The following TIAM2 variants were observed in gnomAD, a reference collection of about 807,000 sequenced individuals.
TIAM2 encodes TIAM Rac1 associated GEF 2.
A neutral mutation model predicts 152.9 loss-of-function variants in TIAM2; 80 were observed. The ratio of observed to expected loss-of-function variants is 0.52; its 90% CI spans 0.44 to 0.63. The LOEUF (loss-of-function observed/expected upper bound fraction) is 0.63, where lower values mean the gene tolerates loss of function less well. Ranked by LOEUF, TIAM2 falls within the 30% of genes least tolerant of loss-of-function variation. TIAM2 has a pLI of 0.00. For synonymous variants in TIAM2, 804 were observed against 838.0 expected (o/e 0.96, Z 0.70); for missense variants, 1,965 against 2,120.1 (o/e 0.93, Z 1.44).
intron 15 of TIAM2, 101 bp downstream of exon 15, chr6:155,211,408 A>T: frequency 1.2e-6 from 1 of 823,480 alleles, no homozygotes; most frequent in Non-Finnish European, 2.0e-6. Flanking sequence ...ACCTATCTCT[A>T]GGTCCAGCAG....
chr6:155,140,432 A>G (rs1343299073), intron 5 of TIAM2, among the ~76,000 whole-genome samples: 1 of 152,074 alleles, frequency 6.6e-6, no homozygotes, highest in Non-Finnish European at 1.5e-5. Context: ...TTAAGTGTGA[A>G]ATTTGTTTCT....
intron 1 of TIAM2, among the ~76,000 whole-genome samples, chr6:155,083,031 A>G (rs1778101163): frequency 6.6e-6 from 1 of 152,012 alleles, no homozygotes; most frequent in South Asian, 2.1e-4. Flanking sequence ...GGTTCTGAGT[A>G]TTGATTGACA....
chr6:155,012,242 T>G (rs1162776941), intron 1 of TIAM2, among the ~76,000 whole-genome samples: 1 of 152,170 alleles, frequency 6.6e-6, no homozygotes, highest in Non-Finnish European at 1.5e-5. Context: ...CATTTTGTAC[T>G]GTACGGCCCA....
intron 1 of TIAM2, among the ~76,000 whole-genome samples, chr6:155,058,694 A>G (rs1229916568): frequency 3.9e-5 from 6 of 152,192 alleles, no homozygotes; most frequent in Non-Finnish European, 8.8e-5. Flanking sequence ...ACCTGTGATC[A>G]CTAAGTCTTG....
At chr6:155,183,180 A>G (rs907105038) in intron 13 of TIAM2, 57 bp from the exon 14 acceptor site, 3 of 1,570,244 alleles carry the variant, frequency 1.9e-6, no homozygotes, top group Non-Finnish European at 1.7e-6. Context: ...TTCATCTGAA[A>G]ATATTTCTCA....
chr6:155,147,461 C>A (rs1190348246), intron 6 of TIAM2, among the ~76,000 whole-genome samples: 1 of 152,040 alleles, frequency 6.6e-6, no homozygotes, highest in Non-Finnish European at 1.5e-5. Flanking sequence ...CATGCACCAC[C>A]ACACCCGGCT....
intron 1 of TIAM2, among the ~76,000 whole-genome samples, chr6:155,008,670 A>C (rs900789138): frequency 4.6e-5 from 7 of 152,290 alleles, no homozygotes; most frequent in African/African-American, 1.7e-4. Flanking sequence ...GCTGGAAGTA[A>C]ATTTCTCAGC....
chr6:155,172,678 ATATATATATTTTTTTTTTT>A (rs1403403030), intron 9 of TIAM2, among the ~76,000 whole-genome samples: 35 of 13,918 alleles, frequency 2.5e-3, no homozygotes, highest in African/African-American at 7.8e-3. Context: ...ATATATATAT[ATATATATATTTTTTTTTTT>A]TTTTTTTTTT....
chr6:155,091,173 G>A (rs1036556653), intron 2 of TIAM2, among the ~76,000 whole-genome samples: 26 of 152,124 alleles, frequency 1.7e-4, no homozygotes, highest in African/African-American at 4.8e-5. Context: ...TCTGAAGGAC[G>A]CTGACCACCC....
intron 14 of TIAM2, among the ~76,000 whole-genome samples, chr6:155,187,573 C>CCCTTTTTTTTT (rs1189509294): frequency 1.2e-4 from 6 of 49,614 alleles, no homozygotes; most frequent in African/African-American, 3.9e-4. Flanking sequence ...ACCCCGCCCC[C>CCCTTTTTTTTT]TTTTTTTTTT....
intron 15 of TIAM2, among the ~76,000 whole-genome samples, chr6:155,235,152 G>A (rs1394075757): frequency 6.6e-6 from 1 of 152,258 alleles, no homozygotes; most frequent in Non-Finnish European, 1.5e-5. Context: ...GAGAGTCATG[G>A]TAAAGCTGCA....
intron 1 of TIAM2, among the ~76,000 whole-genome samples, chr6:155,056,969 T>C (rs974941720): frequency 6.8e-6 from 1 of 148,058 alleles, no homozygotes; most frequent in Non-Finnish European, 1.5e-5. Context: ...GTGACAGTTT[T>C]GAGGAGTATT....
rs575426081 is a variant in TIAM2, at chr6:155,057,844, C to T, written c.-208-32445C>T. Among the ~76,000 whole-genome samples, 4 of 152,190 alleles carry T rather than the reference C, an allele frequency of 2.6e-5. No individual in the cohort carries two copies. The East Asian group carries it at 5.8e-4, about 22-fold the overall frequency. On this transcript the variant is annotated intron_variant, in intron 1 of 26. Transcript: ENST00000682666. ...TACAGGCATGAGCCACCGCGCCTGG[C>T]CCCATAATGTACTCTTTGGAAGAAA...
chr6:155,093,566 G>A (rs1053337417), intron 2 of TIAM2, among the ~76,000 whole-genome samples: 3 of 152,222 alleles, frequency 2.0e-5, no homozygotes, highest in Non-Finnish European at 4.4e-5. Flanking sequence ...GGACCGGCAG[G>A]TATCAGTAGT....
At chr6:155,169,600 A>G (rs1220313225) in intron 9 of TIAM2, among the ~76,000 whole-genome samples, 1 of 152,160 alleles carries the variant, frequency 6.6e-6, no homozygotes. Context: ...CTTCACATAG[A>G]TAGTACATTC....
rs540683108 is a variant in TIAM2, at chr6:155,164,470, G to A, written c.2084G>A (p.Arg695His). 4.0e-5 allele frequency: 65 copies of A among 1,614,038 alleles called. No individual in the cohort carries two copies. In the East Asian group the frequency reaches 6.7e-4, roughly 17 times the overall value. The change falls in exon 8 of 27, where the codon CGC becomes CAC. Residue 695 changes from arginine (R) to histidine (H), a missense_variant. Around this residue, in one of 3 missense-constraint regions of TIAM2, gnomAD observed 1,025 missense variants for 1,119.4 expected, o/e 0.92. Coordinates refer to ENST00000682666, the MANE Select transcript of TIAM2 (RefSeq NM_012454.4). ...TTTCACATGGATCTGTTCAGGATGC[G>A]CTGCTATCTGGCCAGCCTACAAGGT... ...EKFHMDLFRM[R>H]CYLASLQGGE...
At chr6:155,173,576 G>A (rs1011802712) in intron 9 of TIAM2, among the ~76,000 whole-genome samples, 20 of 152,148 alleles carry the variant, frequency 1.3e-4, no homozygotes, top group East Asian at 3.8e-4. Flanking sequence ...TACTGAAAAC[G>A]GACAGCGTTT....
chr6:155,053,508 G>A lies in TIAM2; in HGVS notation c.-208-36781G>A, dbSNP rs556690677. Among the ~76,000 whole-genome samples, 7 of 134,648 alleles carry A rather than the reference G, an allele frequency of 5.2e-5. No individual in the cohort carries two copies. The South Asian group carries it at 9.4e-4, about 18-fold the overall frequency. 88.3% of individuals were successfully genotyped at this position (134,648 alleles called of 152,430 possible). A position where few individuals can be genotyped will look rare whatever the true frequency, so the allele number is the denominator to read the frequency against. Reference sequence around the variant, plus strand: ...TTAAATTTAGACAGAGTCTTGCCCCGTCGTCCAGGCTGGAGTGCAGTGTCA... The same window carrying A: ...TTAAATTTAGACAGAGTCTTGCCCCATCGTCCAGGCTGGAGTGCAGTGTCA... On this transcript the variant is annotated intron_variant, in intron 1 of 26. Coordinates refer to ENST00000682666, the MANE Select transcript of TIAM2 (RefSeq NM_012454.4).
chr6:155,187,573 C>CCCTTTTTTTTTTTTTTTTTTTTTT (rs1189509294), intron 14 of TIAM2, among the ~76,000 whole-genome samples: 5 of 49,624 alleles, frequency 1.0e-4, no homozygotes, highest in Non-Finnish European at 1.5e-4. Context: ...ACCCCGCCCC[C>CCCTTTTTTTTTTTTTTTTTTTTTT]TTTTTTTTTT....
Sources: gnomAD v4.1 joint callset for allele counts (sites outside exome capture counted in the v4.1 genomes callset) on GRCh38, gnomAD v4.1.1 for gene constraint, gnomAD v4.1.1 regional missense constraint, MANE v1.5 for transcripts, NCBI Gene and HGNC (gene_info 2026-07-23, HGNC 2026-07-21) for gene names.